DOK6: variants seen among roughly 807,000 people sequenced by gnomAD.
DOK6 encodes the protein docking protein 6.
Under a neutral mutation model 44.0 loss-of-function variants are expected in DOK6, and 22 were observed. The ratio of observed to expected loss-of-function variants is 0.50; its 90% CI spans 0.36 to 0.71. The LOEUF is 0.71. Ranked by LOEUF, DOK6 falls within the 30% of genes least tolerant of loss-of-function variation. DOK6 has a pLI of 0.00. For missense variants in DOK6, 340 were observed against 416.4 expected (o/e 0.82, Z 1.60); for synonymous variants, 166 against 145.5 (o/e 1.14, Z -1.01).
chr18:69,567,815 G>A (rs1983020856), intron 2 of DOK6, among the ~76,000 whole-genome samples: 1 of 152,216 alleles, frequency 6.6e-6, no homozygotes, highest in Non-Finnish European at 1.5e-5. Context: ...ACAGGTAGAT[G>A]ACACATGGCT....
chr18:69,504,166 G>C (rs1271428286), intron 1 of DOK6, among the ~76,000 whole-genome samples: 2 of 152,036 alleles, frequency 1.3e-5, no homozygotes, highest in African/African-American at 2.4e-5. Context: ...TAGGCAGCTA[G>C]ATGAGTAGGT....
chr18:69,619,304 C>CA (rs113751228), intron 3 of DOK6, among the ~76,000 whole-genome samples: 3,013 of 152,252 alleles, frequency 0.02, 96 homozygotes, highest in African/African-American at 0.068. Flanking sequence ...TTGAAGAAAA[C>CA]AAATCCAAAT....
intron 3 of DOK6, among the ~76,000 whole-genome samples, chr18:69,602,364 C>A (rs1016523133): frequency 6.6e-6 from 1 of 152,176 alleles, no homozygotes; most frequent in Non-Finnish European, 1.5e-5. Context: ...CAGACACATC[C>A]CAATGAAGGG....
chr18:69,651,506 TA>T (rs1182864723), intron 3 of DOK6, among the ~76,000 whole-genome samples: 2 of 144,616 alleles, frequency 1.4e-5, no homozygotes, highest in African/African-American at 5.4e-5. Context: ...TTTTTTTTTT[TA>T]AGACAGAGTC....
At chr18:69,414,484 T>G (rs1014562958) in intron 1 of DOK6, among the ~76,000 whole-genome samples, 6 of 152,104 alleles carry the variant, frequency 3.9e-5, no homozygotes, top group Admixed American at 3.9e-4. Context: ...TGTTACATAC[T>G]GTGCAATTTC....
At chr18:69,741,196 A>G (rs897254893) in intron 6 of DOK6, among the ~76,000 whole-genome samples, 2 of 152,242 alleles carry the variant, frequency 1.3e-5, no homozygotes, top group African/African-American at 4.8e-5. Context: ...ACAGAGAAAC[A>G]AAATGTTTCT....
At position 69,606,439 on chromosome 18, in the gene DOK6, T is replaced by G. The variant is rs138538700; in HGVS notation, c.289+6941T>G. Among the ~76,000 whole-genome samples the G allele has an allele frequency of 8.8e-3, 1,342 of 152,144 alleles. 24 individuals are homozygous for G. Among genetic ancestry groups the G allele is most frequent in the African/African-American group, 0.031 (1,275 of 41,492 alleles). Reference sequence around the variant, plus strand: ...TGGCCACTTATGAAAAGCCCACAGCTAACATCATAATCCATGAATAAAAAC... The same window carrying G: ...TGGCCACTTATGAAAAGCCCACAGCGAACATCATAATCCATGAATAAAAAC... On this transcript the variant is annotated intron_variant, in intron 3 of 7. Transcript: ENST00000382713.
At chr18:69,757,287 T>TA (rs149866184) in intron 6 of DOK6, among the ~76,000 whole-genome samples, 70 of 151,644 alleles carry the variant, frequency 4.6e-4, no homozygotes, top group African/African-American at 1.4e-3. Flanking sequence ...TTGAAATGGG[T>TA]AAAAAAAAAT....
At position 69,802,153 on chromosome 18, in the gene DOK6, G is replaced by A. The variant is rs576421086; in HGVS notation, c.857-39091G>A. On this transcript the variant is annotated intron_variant, in intron 7 of 7. Coordinates refer to ENST00000382713, the MANE Select transcript of DOK6 (RefSeq NM_152721.6). ...TTTATATGAATATATGTTTAACGGT[G>A]CAATCATCTCTTTCTACAGTAGATC... 4.2e-4 allele frequency among the ~76,000 whole-genome samples: 64 copies of A among 152,234 alleles called. 1 individual carries two copies. Among genetic ancestry groups the A allele is most frequent in the African/African-American group, 1.4e-3 (57 of 41,532 alleles).
chr18:69,445,073 GTATTA>G (rs1463671720), intron 1 of DOK6, among the ~76,000 whole-genome samples: 1 of 152,022 alleles, frequency 6.6e-6, no homozygotes, highest in African/African-American at 2.4e-5. Flanking sequence ...GTATTGCTAA[GTATTA>G]TATTCTTTTT....
chr18:69,785,219 G>A (rs182828409), intron 7 of DOK6, among the ~76,000 whole-genome samples: 5 of 152,292 alleles, frequency 3.3e-5, no homozygotes, highest in Non-Finnish European at 7.4e-5. Flanking sequence ...TTTGGAGCTG[G>A]ACACTAAACA....
intron 5 of DOK6, among the ~76,000 whole-genome samples, chr18:69,715,906 G>A (rs113910236): frequency 1.3e-5 from 2 of 152,290 alleles, no homozygotes; most frequent in African/African-American, 4.8e-5. Flanking sequence ...TTGCATTTGA[G>A]GTTGCATTCA....
At chr18:69,825,324 G>A (rs1013089466) in intron 7 of DOK6, among the ~76,000 whole-genome samples, 1 of 151,504 alleles carries the variant, frequency 6.6e-6, no homozygotes, top group African/African-American at 2.4e-5. Context: ...TTCTACTGCA[G>A]TAGTGAGAGC....
intron 1 of DOK6, among the ~76,000 whole-genome samples, chr18:69,545,651 CT>C (rs1982385625): frequency 1.3e-5 from 2 of 151,038 alleles, no homozygotes; most frequent in Non-Finnish European, 3.0e-5. Context: ...GAAGAGAAAG[CT>C]AAATAATAGA....
At chr18:69,742,554 C>T (rs1005800029) in intron 6 of DOK6, among the ~76,000 whole-genome samples, 3 of 152,140 alleles carry the variant, frequency 2.0e-5, no homozygotes, top group South Asian at 2.1e-4. Flanking sequence ...ATTTCCTTCA[C>T]TGAGAAGAAT....
intron 5 of DOK6, among the ~76,000 whole-genome samples, chr18:69,729,428 GT>G (rs1978336246): frequency 6.6e-6 from 1 of 151,928 alleles, no homozygotes; most frequent in Non-Finnish European, 1.5e-5. Context: ...CTACCAACAT[GT>G]TTGTCTTTTT....
At chr18:69,535,606 T>TATATATATGTGATTCAA (rs1982102632) in intron 1 of DOK6, among the ~76,000 whole-genome samples, 1 of 151,814 alleles carries the variant, frequency 6.6e-6, no homozygotes, top group African/African-American at 2.4e-5. Flanking sequence ...ATGTGATTCA[T>TATATATATGTGATTCAA]GTATATATAT....
At chr18:69,778,386 T>TA (rs1364918960) in intron 7 of DOK6, among the ~76,000 whole-genome samples, 1 of 94,554 alleles carries the variant, frequency 1.1e-5, no homozygotes, top group Non-Finnish European at 2.7e-5. Flanking sequence ...ACAGAGGCCA[T>TA]AGCAAATAAA....
intron 1 of DOK6, among the ~76,000 whole-genome samples, chr18:69,497,808 T>C (rs181734735): frequency 6.6e-6 from 1 of 152,280 alleles, no homozygotes; most frequent in East Asian, 1.9e-4. Context: ...ACTTGAGATG[T>C]GTTACTTCAT....
Sources: gnomAD v4.1 joint callset for allele counts (sites outside exome capture counted in the v4.1 genomes callset) on GRCh38, gnomAD v4.1.1 for gene constraint, MANE v1.5 for transcripts, NCBI Gene and HGNC (gene_info 2026-07-23, HGNC 2026-07-21) for gene names.